The following COL1A1 variants were observed in gnomAD, a reference collection of about 807,000 sequenced individuals.
COL1A1 encodes collagen alpha-1(I) chain.
Under a neutral mutation model 195.7 loss-of-function variants are expected in COL1A1, and 21 were observed. The observed-to-expected ratio is 0.11, with a 90% CI of 0.08 to 0.15. The LOEUF is 0.15. Among genes scored for constraint, COL1A1 ranks in the 10% least tolerant of loss-of-function variants. The pLI, the probability that COL1A1 is intolerant of heterozygous loss-of-function variation, is 1.00. For synonymous variants in COL1A1, 749 were observed against 747.3 expected, an observed-to-expected ratio of 1.00 and a Z score of -0.04; for missense variants, 1,365 against 2,051.0, an observed-to-expected ratio of 0.67 and a Z score of 6.46.
chr17:50,188,373 T>A lies in COL1A1; in HGVS notation c.3207+157A>T. 1 of 881,284 alleles carries A rather than the reference T, an allele frequency of 1.1e-6. No homozygotes were observed. Among genetic ancestry groups the A allele is most frequent in the Non-Finnish European group, 1.8e-6 (1 of 560,744 alleles). The allele number at this position is 881,284 out of a possible 1,614,324, so 54.6% of individuals were successfully genotyped here. A position where few individuals can be genotyped will look rare whatever the true frequency, so the allele number is the denominator to read the frequency against. On this transcript the variant is annotated intron_variant, in intron 43 of 50. Transcript: ENST00000225964. The surrounding 1 kb of genome is among the most constrained non-coding windows in gnomAD (Gnocchi z 5.6). ...TGGGAGAGGGGACTTGGGGCTGAGCTTTAACTCAGTTTTTTGGATTAAGGC... is the reference window on the plus strand; with the variant it reads ...TGGGAGAGGGGACTTGGGGCTGAGCATTAACTCAGTTTTTTGGATTAAGGC...
intron 46 of COL1A1, 139 bp downstream of exon 46, chr17:50,187,345 G>A: frequency 1.1e-6 from 1 of 928,180 alleles, no homozygotes; most frequent in East Asian, 2.6e-5. Flanking sequence ...TGTTTGTTCA[G>A]GATTCTTCCT....
chr17:50,191,575 G>T, intron 31 of COL1A1, 85 bp from the exon 32 acceptor site: 1 of 1,359,380 alleles, frequency 7.4e-7, no homozygotes. Flanking sequence ...TATCTCCCAG[G>T]CTTGTTTCCA....
At position 50,190,628 on chromosome 17, in the gene COL1A1, G is replaced by C; in HGVS notation, c.2344-32C>G. 1 of 1,610,854 alleles carries C rather than the reference G, an allele frequency of 6.2e-7. No homozygotes were observed. Among genetic ancestry groups the C allele is most frequent in the Non-Finnish European group, 8.5e-7 (1 of 1,177,892 alleles). On this transcript the variant is annotated intron_variant, in intron 33 of 50. Coordinates refer to ENST00000225964, the MANE Select transcript of COL1A1 (RefSeq NM_000088.4). The surrounding 1 kb of genome is among the most constrained non-coding windows in gnomAD (Gnocchi z 4.7). ...GCAAGGGACAAGAGGCTCAGGGTCA[G>C]GGCCTCCCCTGAATACTCCTAGTAG...
rs41317363 is a variant in COL1A1 at position 50,194,943 on chromosome 17, A to G, written c.1353+104T>C. On this transcript the variant is annotated intron_variant, in intron 20 of 50. Transcript: ENST00000225964. This position sits in a 1 kb window ranked among gnomAD's most constrained non-coding sequence, Gnocchi z 6.8. ...AGGGGTTCCTGGGGGTGTGGCAGGG[A>G]CTCCCCCAGAAGACTAGGGGCTCCT... 2.9e-4 allele frequency: 424 copies of G among 1,463,874 alleles called. 5 individuals are homozygous for G. The East Asian group carries it at 7.5e-3, about 26-fold the overall frequency. The allele number at this position is 1,463,874 out of a possible 1,614,324, so 90.7% of individuals were successfully genotyped here.
rs1413282684 is a variant in COL1A1 at position 50,186,632 on chromosome 17, G to C, written c.3814+8C>G. ...AGGAGGGAGGGAGAGGCTAGGGCAG[G>C]CCCTCACCACTCTTCCAGTCAGAGT... On this transcript the variant is annotated splice_region_variant and intron_variant, in intron 48 of 50. Transcript: ENST00000225964. This position sits in a 1 kb window ranked among gnomAD's most constrained non-coding sequence, Gnocchi z 5.3. 6.2e-7 allele frequency: 1 copy of C among 1,613,268 alleles called. No individual in the cohort carries two copies. Among genetic ancestry groups the C allele is most frequent in the East Asian group, 2.2e-5 (1 of 44,864 alleles).
chr17:50,186,357 C>G lies in COL1A1; in HGVS notation c.3965G>C (p.Arg1322Thr), dbSNP rs138544681. 6.2e-7 allele frequency: 1 copy of G among 1,614,266 alleles called. No homozygotes were observed. The highest frequency in any genetic ancestry group is 8.5e-7 in the Non-Finnish European group (1 of 1,180,052). The change falls in exon 49 of 51, where the codon AGG becomes ACG. Residue 1322 changes from arginine to threonine, a missense_variant. Physicochemically the swap from Arg to Thr is moderately conservative, Grantham distance 71. Around this residue, in one of 5 missense-constraint regions of COL1A1, gnomAD observed 273 missense variants for 338.6 expected, o/e 0.81. Transcript: ENST00000225964. The surrounding 1 kb of genome is among the most constrained non-coding windows in gnomAD (Gnocchi z 5.3). ...WYISKNPKDK[R>T]HVWFGESMTD... The stretch of plus-strand genomic sequence containing the variant: ...CATGCTCTCGCCGAACCAGACATGC[C>G]TCTTGTCCTTGGGGTTCTTGCTGAT...
Position 50,190,170 on chromosome 17 carries a change from G to C in COL1A1, c.2452-62C>G, listed in dbSNP as rs1032802282. ...AGGCAGGAGTTTCCACTACCTGGGG[G>C]AGGAGCAGTAATGGAGGCAGGAAGA... On this transcript the variant is annotated intron_variant, in intron 35 of 50. Coordinates refer to ENST00000225964, the MANE Select transcript of COL1A1 (RefSeq NM_000088.4). The surrounding 1 kb of genome is among the most constrained non-coding windows in gnomAD (Gnocchi z 4.7). The C allele has an allele frequency of 2.8e-6, 4 of 1,414,496 alleles. No homozygotes were observed. Among genetic ancestry groups the C allele is most frequent in the Non-Finnish European group, 3.0e-6 (3 of 998,714 alleles). The allele number at this position is 1,414,496 out of a possible 1,614,324, so 87.6% of individuals were successfully genotyped here.
chr17:50,193,902 G>T, intron 25 of COL1A1, 41 bp downstream of exon 25: 1 of 1,574,912 alleles, frequency 6.3e-7, no homozygotes, highest in Non-Finnish European at 8.7e-7. Context: ...TCTCAGGTGT[G>T]TTTGTCCCTG....
intron 5 of COL1A1, 44 bp from the exon 6 acceptor site, chr17:50,198,548 A>T (rs202224757): frequency 6.6e-7 from 1 of 1,512,022 alleles, no homozygotes; most frequent in Non-Finnish European, 9.1e-7. Flanking sequence ...GTGAATTGAA[A>T]GGCAGAAGAC....
In COL1A1 at chr17:50,192,681, C is replaced by T. The variant is rs775106436; in HGVS notation, c.1888G>A (p.Glu630Lys). The T allele has an allele frequency of 9.9e-6, 16 of 1,614,092 alleles. No individual in the cohort carries two copies. Among genetic ancestry groups the T allele is most frequent in the Non-Finnish European group, 1.3e-5 (15 of 1,180,050 alleles). Residue 630 changes from glutamate to lysine, a missense_variant, in exon 28 of 51, where the codon GAG becomes AAG. Physicochemically the swap from Glu to Lys is moderately conservative, Grantham distance 56. Coordinates refer to ENST00000225964, the MANE Select transcript of COL1A1 (RefSeq NM_000088.4). Reference protein sequence around the residue: ...GPPGPAGPAGERGEQGPAGSP... With the variant: ...GPPGPAGPAGKRGEQGPAGSP... ...CCAGCAGGGCCTTGTTCACCTCTCT[C>T]GCCAGCGGGACCCTGCACAGAGAGA...
At position 50,185,455 on chromosome 17, in the gene COL1A1, G is replaced by A. The variant is rs1906406406; in HGVS notation, c.*47C>T. 2 of 1,612,312 alleles carry A rather than the reference G, an allele frequency of 1.2e-6. No individual in the cohort carries two copies. The highest frequency in any genetic ancestry group is 1.7e-6 in the Non-Finnish European group (2 of 1,178,982). ...GTTGCTTGTCTGTTTCCGGGTTGGG[G>A]GGAAAGTTGGTTGGGTGGGAGGGAG... On this transcript the variant is annotated 3_prime_UTR_variant, in exon 51 of 51. Transcript: ENST00000225964.
chr17:50,192,267 A>G, intron 29 of COL1A1: 1 of 730,068 alleles, frequency 1.4e-6, no homozygotes, highest in East Asian at 2.7e-5. Flanking sequence ...GTCACAGCAT[A>G]TTCCAGCAGC....
At position 50,185,405 on chromosome 17, in the gene COL1A1, T is replaced by G; in HGVS notation, c.*97A>C. On this transcript the variant is annotated 3_prime_UTR_variant, in exon 51 of 51. Transcript: ENST00000225964. The stretch of plus-strand genomic sequence containing the variant: ...CCATGTGAAATTGTCTCCCATTTTT[T>G]GGCTTTTGAGGGGGTTCAGTTTGGG... The G allele has an allele frequency of 2.9e-6, 4 of 1,365,094 alleles. No individual in the cohort carries two copies. The highest frequency in any genetic ancestry group is 4.2e-6 in the Non-Finnish European group (4 of 958,136). 84.6% of individuals were successfully genotyped at this position (1,365,094 alleles called of 1,614,324 possible). A position where few individuals can be genotyped will look rare whatever the true frequency, so the allele number is the denominator to read the frequency against.
chr17:50,186,889 G>T lies in COL1A1; in HGVS notation c.3565C>A (p.Pro1189Thr), dbSNP rs1057518340. The change falls in exon 48 of 51, where the codon CCT becomes ACT. Residue 1189 changes from proline (P) to threonine (T), a missense_variant. Transcript: ENST00000225964. This position sits in a 1 kb window ranked among gnomAD's most constrained non-coding sequence, Gnocchi z 5.3. ...PPGPPGPPGP[P>T]GPPSAGFDFS... ...TCGAAACCAGCGCTGGGAGGACCAG[G>T]GGGACCAGGAGGTCCAGGAGGGCCG... 1.9e-6 allele frequency: 3 copies of T among 1,613,870 alleles called. No homozygotes were observed. The highest frequency in any genetic ancestry group is 2.5e-6 in the Non-Finnish European group (3 of 1,180,002).
chr17:50,185,518 G>A lies in COL1A1; in HGVS notation c.4379C>T (p.Pro1460Leu). ...GGAGGGAGTTTACAGGAAGCAGACAGGGCCAACGTCGAAGCCGAATTCCTG... is the reference window on the plus strand; with the variant it reads ...GGAGGGAGTTTACAGGAAGCAGACAAGGCCAACGTCGAAGCCGAATTCCTG... ...PDQEFGFDVG[P>L]VCFL The change falls in exon 51 of 51, where the codon CCT becomes CTT. Residue 1460 changes from proline (P) to leucine (L), a missense_variant. Coordinates refer to ENST00000225964, the MANE Select transcript of COL1A1 (RefSeq NM_000088.4). 1 of 1,613,954 alleles carries A rather than the reference G, an allele frequency of 6.2e-7. No individual in the cohort carries two copies. Among genetic ancestry groups the A allele is most frequent in the Non-Finnish European group, 8.5e-7 (1 of 1,179,990 alleles).
rs2144568962 is a variant in COL1A1, at chr17:50,193,926, C to G, written c.1767+17G>C. The stretch of plus-strand genomic sequence containing the variant: ...TGTTTGTCCCTGGCTCTTCATGGAT[C>G]CTCACTTAATACTCACAGCAGCACC... On this transcript the variant is annotated intron_variant, in intron 25 of 50. Transcript: ENST00000225964. 1 of 1,610,220 alleles carries G rather than the reference C, an allele frequency of 6.2e-7. No homozygotes were observed. The highest frequency in any genetic ancestry group is 8.5e-7 in the Non-Finnish European group (1 of 1,176,454).
intron 32 of COL1A1, 50 bp downstream of exon 32, chr17:50,191,333 C>A (rs1202298657): frequency 6.7e-7 from 1 of 1,482,236 alleles, no homozygotes; most frequent in Non-Finnish European, 9.4e-7. Context: ...TCAAAGCAGG[C>A]AGAGATGGGA....
intron 9 of COL1A1, 21 bp from the exon 10 acceptor site, chr17:50,197,254 C>T (rs1907676898): frequency 6.2e-7 from 1 of 1,611,786 alleles, no homozygotes; most frequent in African/African-American, 1.3e-5. Flanking sequence ...GAGAAAAGAC[C>T]ATCATGCCTC....
In COL1A1 at chr17:50,184,954, G is replaced by T. The variant is rs557681960; in HGVS notation, c.*548C>A. On this transcript the variant is annotated 3_prime_UTR_variant, in exon 51 of 51. Coordinates refer to ENST00000225964, the MANE Select transcript of COL1A1 (RefSeq NM_000088.4). The stretch of plus-strand genomic sequence containing the variant: ...TGGCAAGGCTTCTTTGGCAGTCTGA[G>T]AACCCCAGGTCCCCCAGGGCCTGGG... The T allele has an allele frequency of 1.4e-3, 319 of 229,084 alleles. No individual in the cohort carries two copies. The highest frequency in any genetic ancestry group is 6.7e-3 in the African/African-American group (304 of 45,116). 14.2% of individuals were successfully genotyped at this position (229,084 alleles called of 1,614,324 possible).
Sources: gnomAD v4.1 joint callset for allele counts on GRCh38, gnomAD v4.1.1 for gene constraint, gnomAD v4.1.1 regional missense constraint, Gnocchi (gnomAD v3.1) non-coding constraint, MANE v1.5 for transcripts, NCBI Gene and HGNC (gene_info 2026-07-23, HGNC 2026-07-21) for gene names.